The following COL22A1 variants were observed in gnomAD, a reference collection of about 807,000 sequenced individuals.
The protein encoded by COL22A1 is collagen alpha-1(XXII) chain.
A neutral mutation model predicts 248.9 loss-of-function variants in COL22A1; 221 were observed. The observed-to-expected ratio is 0.89, with a 90% confidence interval of 0.80 to 0.99. COL22A1 has a LOEUF of 0.99. Among genes scored for constraint, COL22A1 ranks in the 50% least tolerant of loss-of-function variants. The pLI, the probability that COL22A1 is intolerant of heterozygous loss-of-function variation, is 0.00. For missense variants in COL22A1, 2,240 were observed against 2,179.0 expected, an observed-to-expected ratio of 1.03 and a Z score of -0.56; for synonymous variants, 891 against 793.4, an observed-to-expected ratio of 1.12 and a Z score of -2.07.
At chr8:138,835,832 A>G (rs569371571) in intron 4 of COL22A1, among the ~76,000 whole-genome samples, 4 of 102,246 alleles carry the variant, frequency 3.9e-5, no homozygotes, top group African/African-American at 1.3e-4. Flanking sequence ...TTGGGATAAT[A>G]ATAACAGTGT....
intron 11 of COL22A1, among the ~76,000 whole-genome samples, chr8:138,797,641 TC>T (rs1816660570): frequency 6.6e-6 from 1 of 152,202 alleles, no homozygotes; most frequent in Admixed American, 6.5e-5. Flanking sequence ...GGTAACTCTG[TC>T]TTTAACCTAA....
rs1246302608 is a variant in COL22A1, at chr8:138,794,166, C to A, written c.1596+2653G>T. On this transcript the variant is annotated intron_variant, in intron 12 of 64. Transcript: ENST00000303045. ...CTTTGGGAGGCTGAGGCAGGCGGAT[C>A]ACCTGAGGTCAAGAGCTCGAGACCA... Among the ~76,000 whole-genome samples the A allele has an allele frequency of 3.9e-5, 6 of 152,266 alleles. No homozygotes were observed. In the East Asian group the frequency reaches 1.2e-3, roughly 29 times the overall value.
chr8:138,721,599 CA>C (rs1829875121), intron 26 of COL22A1, among the ~76,000 whole-genome samples: 1 of 149,796 alleles, frequency 6.7e-6, no homozygotes, highest in African/African-American at 2.5e-5. Flanking sequence ...TCTAACAGAT[CA>C]AATTTTTTTT....
chr8:138,852,777 C>T (rs975250269), intron 3 of COL22A1, among the ~76,000 whole-genome samples: 1 of 151,836 alleles, frequency 6.6e-6, no homozygotes, highest in Non-Finnish European at 1.5e-5. Flanking sequence ...GAGGGAGGTC[C>T]GCAGTGTATG....
At chr8:138,596,678 T>C (rs1817561740) in intron 62 of COL22A1, among the ~76,000 whole-genome samples, 1 of 152,190 alleles carries the variant, frequency 6.6e-6, no homozygotes, top group Non-Finnish European at 1.5e-5. Context: ...GAGCTCTCCT[T>C]CACTAGAGGT....
At chr8:138,872,435 G>A (rs986799319) in intron 3 of COL22A1, among the ~76,000 whole-genome samples, 2 of 152,308 alleles carry the variant, frequency 1.3e-5, no homozygotes, top group East Asian at 3.9e-4. Context: ...CCCTGGCTGT[G>A]GGGACAGGAG....
intron 47 of COL22A1, among the ~76,000 whole-genome samples, chr8:138,646,071 C>G (rs767096435): frequency 1.3e-5 from 2 of 152,202 alleles, no homozygotes; most frequent in Non-Finnish European, 2.9e-5. Flanking sequence ...CAGAGAGCTT[C>G]CCTGCCTATT....
At chr8:138,693,879 T>C (rs1827281905) in intron 34 of COL22A1, among the ~76,000 whole-genome samples, 180 bp from the exon 35 acceptor site, 1 of 152,036 alleles carries the variant, frequency 6.6e-6, no homozygotes, top group South Asian at 2.1e-4. Context: ...CTGTTGGAGA[T>C]GGTCATATCG....
At chr8:138,719,938 C>T (rs1829744305) in intron 27 of COL22A1, among the ~76,000 whole-genome samples, 1 of 152,198 alleles carries the variant, frequency 6.6e-6, no homozygotes. Context: ...CCGCAATCTC[C>T]TGTCTGGCCA....
intron 6 of COL22A1, among the ~76,000 whole-genome samples, chr8:138,826,316 T>C (rs1437868131): frequency 6.6e-6 from 1 of 152,080 alleles, no homozygotes; most frequent in African/African-American, 2.4e-5. Context: ...CTCCACTGCA[T>C]CACGAAGCTG....
intron 44 of COL22A1, among the ~76,000 whole-genome samples, chr8:138,658,293 G>A (rs373163940): frequency 3.3e-5 from 5 of 152,310 alleles, no homozygotes; most frequent in East Asian, 3.9e-4. Flanking sequence ...TTACCTCTAC[G>A]CCCTTGGAAT....
chr8:138,597,828 G>C (rs1472314749), intron 61 of COL22A1, among the ~76,000 whole-genome samples: 2 of 152,254 alleles, frequency 1.3e-5, no homozygotes, highest in Non-Finnish European at 2.9e-5. Context: ...AAAGCTCCAA[G>C]AGGGCTTTGG....
At chr8:138,702,727 T>C in intron 31 of COL22A1, among the ~76,000 whole-genome samples, 1 of 152,264 alleles carries the variant, frequency 6.6e-6, no homozygotes. Context: ...CACCAGAAAC[T>C]CTGCCAAATA....
intron 10 of COL22A1, among the ~76,000 whole-genome samples, chr8:138,804,861 GGT>G (rs1012640254): frequency 6.7e-6 from 1 of 148,722 alleles, no homozygotes; most frequent in Non-Finnish European, 1.5e-5. Flanking sequence ...TATATGTGAT[GGT>G]GTGTGTGTAT....
At chr8:138,659,041 T>C (rs141274130) in intron 44 of COL22A1, among the ~76,000 whole-genome samples, 73 of 152,282 alleles carry the variant, frequency 4.8e-4, no homozygotes, top group African/African-American at 1.7e-3. Context: ...AGAGGTCATC[T>C]GAACCCCCGC....
chr8:138,594,286 G>C (rs10110076), intron 62 of COL22A1, 87 bp from the exon 63 acceptor site: 1 of 1,105,264 alleles, frequency 9.0e-7, no homozygotes, highest in African/African-American at 1.8e-5. Context: ...CTCAGAACCA[G>C]GGGGCCGATA....
At chr8:138,855,890 G>C (rs1821970990) in intron 3 of COL22A1, among the ~76,000 whole-genome samples, 1 of 152,150 alleles carries the variant, frequency 6.6e-6, no homozygotes, top group South Asian at 2.1e-4. Context: ...TAGGACAGTG[G>C]GTCCTTCAAT....
chr8:138,764,010 C>T (rs978119295), intron 16 of COL22A1, among the ~76,000 whole-genome samples: 1 of 152,188 alleles, frequency 6.6e-6, no homozygotes, highest in Non-Finnish European at 1.5e-5. Flanking sequence ...ATTATATATA[C>T]AAATTATGTT....
intron 30 of COL22A1, among the ~76,000 whole-genome samples, chr8:138,713,328 C>G (rs907340358): frequency 6.6e-6 from 1 of 152,092 alleles, no homozygotes; most frequent in Non-Finnish European, 1.5e-5. Context: ...CAGTACATCT[C>G]TCTATGCCTT....
Sources: allele counts gnomAD v4.1 joint callset (sites outside exome capture counted in the v4.1 genomes callset), GRCh38; gene constraint gnomAD v4.1.1; transcripts MANE v1.5; gene names NCBI Gene and HGNC (gene_info 2026-07-23, HGNC 2026-07-21).